The following EMC6 variants were observed in gnomAD, a reference collection of about 807,000 sequenced individuals.
EMC6 encodes ER membrane protein complex subunit 6, also known as transmembrane protein 93.
A neutral mutation model predicts 6.5 loss-of-function variants in EMC6; 1 was observed. That is an observed-to-expected ratio of 0.15 (90% CI 0.05 to 0.73). The LOEUF (loss-of-function observed/expected upper bound fraction) is 0.73, where lower values mean the gene tolerates loss of function less well. Ranked by LOEUF, EMC6 falls within the 30% of genes least tolerant of loss-of-function variation. EMC6 has a pLI of 0.78. For synonymous variants in EMC6, 96 were observed against 74.3 expected (o/e 1.29, Z -1.50); for missense variants, 114 against 146.7 (o/e 0.78, Z 1.15).
At chr17:3,669,005 G>A in intron 1 of EMC6, 93 bp from the exon 2 acceptor site, 1 of 769,594 alleles carries the variant, frequency 1.3e-6, no homozygotes, top group Non-Finnish European at 2.0e-6. Flanking sequence ...GCCCAGGACT[G>A]GTGCCAGGTC....
Position 3,668,946 on chromosome 17 carries a change from C to G in EMC6, c.-50+47C>G, listed in dbSNP as rs1055763577. On this transcript the variant is annotated intron_variant, in intron 1 of 1. Transcript: ENST00000248378. The surrounding 1 kb of genome is among the most constrained non-coding windows in gnomAD (Gnocchi z 4.1). ...GGGAACGCAGACGCGCCACCACCTC[C>G]CGGCCGGCCCGGACCCTCAATCTCC... is the stretch of plus-strand genomic sequence containing the variant. 30 of 592,744 alleles carry G rather than the reference C, an allele frequency of 5.1e-5. No individual in the cohort carries two copies. The East Asian group carries it at 8.7e-4, about 17-fold the overall frequency. The allele number at this position is 592,744 out of a possible 1,614,324, so 36.7% of individuals were successfully genotyped here. A position where few individuals can be genotyped will look rare whatever the true frequency, so the allele number is the denominator to read the frequency against.
At position 3,668,947 on chromosome 17, in the gene EMC6, C is replaced by T. The variant is rs555665696; in HGVS notation, c.-50+48C>T. The T allele has an allele frequency of 6.7e-6, 4 of 593,442 alleles. No individual in the cohort carries two copies. The highest frequency in any genetic ancestry group is 5.8e-5 in the African/African-American group (3 of 52,066). 36.8% of individuals were successfully genotyped at this position (593,442 alleles called of 1,614,324 possible). On this transcript the variant is annotated intron_variant, in intron 1 of 1. Transcript: ENST00000248378. The surrounding 1 kb of genome is among the most constrained non-coding windows in gnomAD (Gnocchi z 4.1). The stretch of plus-strand genomic sequence containing the variant: ...GGAACGCAGACGCGCCACCACCTCC[C>T]GGCCGGCCCGGACCCTCAATCTCCT...
Position 3,669,342 on chromosome 17 carries a change from C to T in EMC6, c.196C>T (p.Leu66Phe), listed in dbSNP as rs1329807605. The change falls in exon 2 of 2, where the codon CTC becomes TTC. Residue 66 changes from leucine to phenylalanine, a missense_variant. Leu to Phe is a conservative substitution (Grantham distance 22). Transcript: ENST00000248378. ...LLASVLLSLL[L>F]ILKAGRRWNK... The stretch of plus-strand genomic sequence containing the variant: ...CGCCTCCGTCCTGCTCTCCCTGCTC[C>T]TCATTCTCAAGGCGGGAAGGAGGTG... 7 of 1,614,096 alleles carry T rather than the reference C, an allele frequency of 4.3e-6. No individual in the cohort carries two copies. Among genetic ancestry groups the T allele is most frequent in the Non-Finnish European group, 5.9e-6 (7 of 1,180,052 alleles).
In EMC6 at chr17:3,669,350, C is replaced by T. The variant is rs1392560606; in HGVS notation, c.204C>T (p.Leu68=). ...TCCTGCTCTCCCTGCTCCTCATTCT[C>T]AAGGCGGGAAGGAGGTGGAACAAAT... The part of the protein sequence containing the change: ...ASVLLSLLLI[L]KAGRRWNKYF... Residue 68 remains leucine, a synonymous_variant, in exon 2 of 2, where the codon CTC becomes CTT. Transcript: ENST00000248378. 1 of 1,614,196 alleles carries T rather than the reference C, an allele frequency of 6.2e-7. No homozygotes were observed.
chr17:3,669,113 C>G lies in EMC6; in HGVS notation c.-34C>G. ...TTCTCCGCAGCTCCGCGTTGTTCCGCGAGAAAGCGAGAGGCCGAGCCCGGG... is the reference window on the plus strand; with the variant it reads ...TTCTCCGCAGCTCCGCGTTGTTCCGGGAGAAAGCGAGAGGCCGAGCCCGGG... On this transcript the variant is annotated 5_prime_UTR_variant, in exon 2 of 2. Coordinates refer to ENST00000248378, the MANE Select transcript of EMC6 (RefSeq NM_031298.4). The G allele has an allele frequency of 6.8e-7, 1 of 1,461,616 alleles. No individual in the cohort carries two copies. Among genetic ancestry groups the G allele is most frequent in the Non-Finnish European group, 9.0e-7 (1 of 1,109,524 alleles). The allele number at this position is 1,461,616 out of a possible 1,614,324, so 90.5% of individuals were successfully genotyped here.
At chr17:3,669,003 C>T in intron 1 of EMC6, 95 bp from the exon 2 acceptor site, 1 of 762,232 alleles carries the variant, frequency 1.3e-6, no homozygotes. Context: ...AGGCCCAGGA[C>T]TGGTGCCAGG....
Position 3,669,354 on chromosome 17 carries a change from G to A in EMC6, c.208G>A (p.Ala70Thr), listed in dbSNP as rs771060010. 6.2e-7 allele frequency: 1 copy of A among 1,614,048 alleles called. No individual in the cohort carries two copies. Among genetic ancestry groups the A allele is most frequent in the Admixed American group, 1.7e-5 (1 of 60,012 alleles). The stretch of plus-strand genomic sequence containing the variant: ...GCTCTCCCTGCTCCTCATTCTCAAG[G>A]CGGGAAGGAGGTGGAACAAATATTT... ...VLLSLLLILK[A>T]GRRWNKYFKS... Residue 70 changes from alanine to threonine, a missense_variant, in exon 2 of 2, where the codon GCG becomes ACG. Ala to Thr is a moderately conservative substitution (Grantham distance 58). Transcript: ENST00000248378.
In EMC6 at chr17:3,669,382, A is replaced by G. The variant is rs1455598604; in HGVS notation, c.236A>G (p.Lys79Arg). Residue 79 changes from lysine (K) to arginine (R), a missense_variant, in exon 2 of 2, where the codon AAA becomes AGA. Lys to Arg is a conservative substitution (Grantham distance 26). Transcript: ENST00000248378. ...KAGRRWNKYF[K>R]SRRPLFTGGL... Reference sequence around the variant, plus strand: ...GGAAGGAGGTGGAACAAATATTTCAAATCACGGAGACCTCTCTTTACAGGA... The same window carrying G: ...GGAAGGAGGTGGAACAAATATTTCAGATCACGGAGACCTCTCTTTACAGGA... 4 of 1,613,932 alleles carry G rather than the reference A, an allele frequency of 2.5e-6. No individual in the cohort carries two copies.
chr17:3,669,657 C>A lies in EMC6; in HGVS notation c.*178C>A. The A allele has an allele frequency of 1.7e-6, 1 of 586,068 alleles. No individual in the cohort carries two copies. The highest frequency in any genetic ancestry group is 2.9e-6 in the Non-Finnish European group (1 of 341,604). 36.3% of individuals were successfully genotyped at this position (586,068 alleles called of 1,614,324 possible). A position where few individuals can be genotyped will look rare whatever the true frequency, so the allele number is the denominator to read the frequency against. Reference sequence around the variant, plus strand: ...GTAATATTCTTCAGATTAAATGAAGCGTGAGACACTTTGTGGAGTTCTTTC... The same window carrying A: ...GTAATATTCTTCAGATTAAATGAAGAGTGAGACACTTTGTGGAGTTCTTTC... On this transcript the variant is annotated 3_prime_UTR_variant, in exon 2 of 2. Coordinates refer to ENST00000248378, the MANE Select transcript of EMC6 (RefSeq NM_031298.4).
At position 3,669,182 on chromosome 17, in the gene EMC6, G is replaced by A. The variant is rs1387516718; in HGVS notation, c.36G>A (p.Pro12=). The change falls in exon 2 of 2, where the codon CCG becomes CCA. Residue 12 remains proline, a synonymous_variant. Coordinates refer to ENST00000248378, the MANE Select transcript of EMC6 (RefSeq NM_031298.4). ...TGGTGGCCAAGCGGGAAGGGCCGCC[G>A]TTCATCAGCGAGGCGGCCGTGCGGG... is the stretch of plus-strand genomic sequence containing the variant. ...AAVVAKREGP[P]FISEAAVRGN... 3.2e-6 allele frequency: 5 copies of A among 1,567,008 alleles called. No homozygotes were observed. The highest frequency in any genetic ancestry group is 3.5e-6 in the Non-Finnish European group (4 of 1,155,972).
rs1268375011 is a variant in EMC6 at position 3,669,365 on chromosome 17, G to A, written c.219G>A (p.Arg73=). 1.2e-6 allele frequency: 2 copies of A among 1,614,090 alleles called. No individual in the cohort carries two copies. Among genetic ancestry groups the A allele is most frequent in the African/African-American group, 2.7e-5 (2 of 74,948 alleles). Residue 73 remains arginine (R), a synonymous_variant, in exon 2 of 2, where the codon AGG becomes AGA. Transcript: ENST00000248378. The part of the protein sequence containing the change: ...SLLLILKAGR[R]WNKYFKSRRP... ...TCCTCATTCTCAAGGCGGGAAGGAG[G>A]TGGAACAAATATTTCAAATCACGGA...
chr17:3,669,238 C>T lies in EMC6; in HGVS notation c.92C>T (p.Thr31Ile). ...GCCGCCGTCCTGGATTATTGCCGGA[C>T]CTCGGTGTCAGCGCTGTCGGGGGCC... ...GNAAVLDYCR[T>I]SVSALSGATA... Residue 31 changes from threonine to isoleucine, a missense_variant, in exon 2 of 2, where the codon ACC (threonine) becomes ATC (isoleucine). Thr to Ile is a moderately conservative substitution (Grantham distance 89). Coordinates refer to ENST00000248378, the MANE Select transcript of EMC6 (RefSeq NM_031298.4). 6.2e-7 allele frequency: 1 copy of T among 1,612,808 alleles called. No individual in the cohort carries two copies. The highest frequency in any genetic ancestry group is 8.5e-7 in the Non-Finnish European group (1 of 1,179,780).
At chr17:3,669,027 A>C in intron 1 of EMC6, 71 bp from the exon 2 acceptor site, 1 of 946,016 alleles carries the variant, frequency 1.1e-6, no homozygotes, top group Non-Finnish European at 1.5e-6. Context: ...CGGAAGCTCC[A>C]GGGGGAGGGG....
rs2049978088 is a variant in EMC6, at chr17:3,669,364, G to T, written c.218G>T (p.Arg73Met). Residue 73 changes from arginine (R) to methionine (M), a missense_variant, in exon 2 of 2, where the codon AGG (arginine) becomes ATG (methionine). Arg to Met is a moderately conservative substitution (Grantham distance 91). Transcript: ENST00000248378. ...CTCCTCATTCTCAAGGCGGGAAGGA[G>T]GTGGAACAAATATTTCAAATCACGG... ...SLLLILKAGR[R>M]WNKYFKSRRP... The T allele has an allele frequency of 6.2e-7, 1 of 1,614,072 alleles. No homozygotes were observed. Among genetic ancestry groups the T allele is most frequent in the Non-Finnish European group, 8.5e-7 (1 of 1,180,048 alleles).
rs748613530 is a variant in EMC6, at chr17:3,669,200, C to A, written c.54C>A (p.Ala18=). The change falls in exon 2 of 2, where the codon GCC becomes GCA. Residue 18 remains alanine (A), a synonymous_variant. Coordinates refer to ENST00000248378, the MANE Select transcript of EMC6 (RefSeq NM_031298.4). ...REGPPFISEA[A]VRGNAAVLDY... is the part of the protein sequence containing the mutation. ...GGCCGCCGTTCATCAGCGAGGCGGC[C>A]GTGCGGGGCAACGCCGCCGTCCTGG... 1 of 1,590,088 alleles carries A rather than the reference C, an allele frequency of 6.3e-7. No homozygotes were observed. The highest frequency in any genetic ancestry group is 1.1e-5 in the South Asian group (1 of 89,424).
rs759130348 is a variant in EMC6, at chr17:3,669,356, G to A, written c.210G>A (p.Ala70=). 6 of 1,614,180 alleles carry A rather than the reference G, an allele frequency of 3.7e-6. No homozygotes were observed. The African/African-American group carries it at 4.0e-5, about 11-fold the overall frequency. Residue 70 remains alanine, a synonymous_variant, in exon 2 of 2, where the codon GCG becomes GCA. Coordinates refer to ENST00000248378, the MANE Select transcript of EMC6 (RefSeq NM_031298.4). The part of the protein sequence containing the change: ...VLLSLLLILK[A]GRRWNKYFKS... Reference sequence around the variant, plus strand: ...TCTCCCTGCTCCTCATTCTCAAGGCGGGAAGGAGGTGGAACAAATATTTCA... The same window carrying A: ...TCTCCCTGCTCCTCATTCTCAAGGCAGGAAGGAGGTGGAACAAATATTTCA...
Position 3,669,242 on chromosome 17 carries a change from G to C in EMC6, c.96G>C (p.Ser32=), listed in dbSNP as rs761686203. 1.2e-6 allele frequency: 2 copies of C among 1,613,044 alleles called. No individual in the cohort carries two copies. The highest frequency in any genetic ancestry group is 1.1e-5 in the South Asian group (1 of 90,978). ...CCGTCCTGGATTATTGCCGGACCTCGGTGTCAGCGCTGTCGGGGGCCACGG... is the reference window on the plus strand; with the variant it reads ...CCGTCCTGGATTATTGCCGGACCTCCGTGTCAGCGCTGTCGGGGGCCACGG... ...NAAVLDYCRT[S]VSALSGATAG... is the part of the protein sequence containing the mutation. The change falls in exon 2 of 2, where the codon TCG becomes TCC. Residue 32 remains serine, a synonymous_variant. Transcript: ENST00000248378.
At position 3,668,885 on chromosome 17, in the gene EMC6, G is replaced by C. The variant is rs1356246080; in HGVS notation, c.-64G>C. On this transcript the variant is annotated 5_prime_UTR_variant, in exon 1 of 2. Coordinates refer to ENST00000248378, the MANE Select transcript of EMC6 (RefSeq NM_031298.4). This position sits in a 1 kb window ranked among gnomAD's most constrained non-coding sequence, Gnocchi z 4.1. ...TGAGGGAACGCTAAGTAGTGTGTCC[G>C]GCGCCGTGTTCCAGGTAACTGGGCC... 3 of 555,312 alleles carry C rather than the reference G, an allele frequency of 5.4e-6. No individual in the cohort carries two copies. The highest frequency in any genetic ancestry group is 2.0e-5 in the African/African-American group (1 of 50,994). The allele number at this position is 555,312 out of a possible 1,614,324, so 34.4% of individuals were successfully genotyped here. A position where few individuals can be genotyped will look rare whatever the true frequency, so the allele number is the denominator to read the frequency against.
rs1047552805 is a variant in EMC6, at chr17:3,668,830, G to A, written c.-119G>A. ...TCCCGGCAGTCTTCCGAGCAAGATG[G>A]CGCCGCGGGCATTTCTTCCACTGCC... On this transcript the variant is annotated 5_prime_UTR_variant, in exon 1 of 2. Transcript: ENST00000248378. This position sits in a 1 kb window ranked among gnomAD's most constrained non-coding sequence, Gnocchi z 4.1. 2 of 510,726 alleles carry A rather than the reference G, an allele frequency of 3.9e-6. No individual in the cohort carries two copies. The highest frequency in any genetic ancestry group is 6.9e-6 in the Non-Finnish European group (2 of 291,926). 31.6% of individuals were successfully genotyped at this position (510,726 alleles called of 1,614,324 possible). A position where few individuals can be genotyped will look rare whatever the true frequency, so the allele number is the denominator to read the frequency against.
Sources: allele counts gnomAD v4.1 joint callset, GRCh38; gene constraint gnomAD v4.1.1; non-coding constraint Gnocchi (gnomAD v3.1); transcripts MANE v1.5; gene names NCBI Gene and HGNC (gene_info 2026-07-23, HGNC 2026-07-21).